MOG: variants seen among roughly 807,000 people sequenced by gnomAD.
MOG encodes the protein myelin oligodendrocyte glycoprotein.
MOG carries 20 observed loss-of-function variants against 35.9 expected under a neutral mutation model. The observed-to-expected ratio is 0.56, with a 90% CI of 0.39 to 0.81. MOG has a LOEUF of 0.81. Ranked by LOEUF, MOG falls within the 30% of genes least tolerant of loss-of-function variation. The probability of loss-of-function intolerance (pLI) is 0.00; values close to 1 mark genes in which losing one functional copy is unlikely to be tolerated. For missense variants in MOG, 251 were observed against 301.0 expected, an observed-to-expected ratio of 0.83 and a Z score of 1.23; for synonymous variants, 92 against 114.3, an observed-to-expected ratio of 0.80 and a Z score of 1.25.
At position 29,671,534 on chromosome 6, in the gene MOG, C is replaced by T. The variant is rs1583168162; in HGVS notation, c.*349C>T. 7.5e-6 allele frequency: 7 copies of T among 939,560 alleles called. No homozygotes were observed. The East Asian group carries it at 1.7e-4, about 22-fold the overall frequency. 58.2% of individuals were successfully genotyped at this position (939,560 alleles called of 1,614,324 possible). Reference sequence around the variant, plus strand: ...ATGGTCTCTGCCATGAACTGGAGGCCAGGAATCTCCTCACTGAAAATTACA... The same window carrying T: ...ATGGTCTCTGCCATGAACTGGAGGCTAGGAATCTCCTCACTGAAAATTACA... On this transcript the variant is annotated 3_prime_UTR_variant, in exon 8 of 8. Transcript: ENST00000376917.
intron 2 of MOG, chr6:29,661,442 T>G (rs753613523): frequency 9.0e-5 from 89 of 985,266 alleles, no homozygotes; most frequent in Non-Finnish European, 1.1e-4. Context: ...CTCTCCAGTT[T>G]GCAGATTTTT....
intron 5 of MOG, 61 bp downstream of exon 5, chr6:29,667,985 C>T: frequency 6.5e-7 from 1 of 1,546,808 alleles, no homozygotes; most frequent in Non-Finnish European, 8.9e-7. Context: ...TAGTTCCAGT[C>T]ACCTGGGGGA....
Position 29,657,308 on chromosome 6 carries a change from T to C in MOG, c.88+11T>C. The C allele has an allele frequency of 6.4e-7, 1 of 1,560,300 alleles. No individual in the cohort carries two copies. Among genetic ancestry groups the C allele is most frequent in the Non-Finnish European group, 8.7e-7 (1 of 1,147,636 alleles). On this transcript the variant is annotated intron_variant, in intron 1 of 7. Coordinates refer to ENST00000376917, the MANE Select transcript of MOG (RefSeq NM_206809.4). ...CTTCCAGCTATGCAGGTAAGACATG[T>C]TTTTTTTCCTGCCCTGGGGAGACCC...
chr6:29,666,164 G>A lies in MOG; in HGVS notation c.449G>A (p.Trp150Ter). Residue 150 changes from tryptophan (W) to a stop codon, truncating the protein, a stop_gained, in exon 3 of 8, where the codon TGG (tryptophan) becomes TAG (stop). Transcript: ENST00000376917. LOFTEE classifies it high-confidence loss of function. ...TCCTGCCTTTCAGATCCTTTCTACT[G>A]GGTGAGCCCTGGAGTGCTGGTTCTC... ...MELKVEDPFY[W>*]VSPGVLVLLA... The A allele has an allele frequency of 1.2e-6, 2 of 1,611,830 alleles. No homozygotes were observed. Among genetic ancestry groups the A allele is most frequent in the Non-Finnish European group, 1.7e-6 (2 of 1,178,952 alleles).
intron 2 of MOG, chr6:29,659,898 G>A: frequency 1.7e-6 from 1 of 605,046 alleles, no homozygotes; most frequent in Non-Finnish European, 2.9e-6. Flanking sequence ...GTAAGTGACA[G>A]AATGAACAAT....
intron 5 of MOG, among the ~76,000 whole-genome samples, chr6:29,668,738 T>A (rs1205983141): frequency 6.6e-6 from 1 of 152,210 alleles, no homozygotes; most frequent in Non-Finnish European, 1.5e-5. Flanking sequence ...AGGACTTGAC[T>A]ATGAAAGGTC....
intron 2 of MOG, among the ~76,000 whole-genome samples, chr6:29,665,736 T>TCAAA (rs1562196674): frequency 0.054 from 8,027 of 147,432 alleles, 456 homozygotes; most frequent in African/African-American, 0.13. Context: ...ACTACATATT[T>TCAAA]GAAATACATA....
chr6:29,659,442 C>T lies in MOG; in HGVS notation c.212C>T (p.Pro71Leu), dbSNP rs1479416589. 3.7e-6 allele frequency: 6 copies of T among 1,612,990 alleles called. No individual in the cohort carries two copies. Among genetic ancestry groups the T allele is most frequent in the Non-Finnish European group, 4.2e-6 (5 of 1,180,014 alleles). Residue 71 changes from proline to leucine, a missense_variant, in exon 2 of 8, where the codon CCC becomes CTC. Transcript: ENST00000376917. ...GGCATGGAGGTGGGGTGGTACCGCC[C>T]CCCCTTCTCTAGGGTGGTTCATCTC... Reference protein sequence around the residue: ...ATGMEVGWYRPPFSRVVHLYR... With the variant: ...ATGMEVGWYRLPFSRVVHLYR...
Position 29,662,153 on chromosome 6 carries a change from T to A in MOG, c.436+2487T>A. On this transcript the variant is annotated intron_variant, in intron 2 of 7. Transcript: ENST00000376917. This position sits in a 1 kb window ranked among gnomAD's most constrained non-coding sequence, Gnocchi z 4.2. ...TCATTTTTGTGATTTTATTACTAGT[T>A]GTCTCTAATCCTTTCTTTAAATTCT... is the stretch of plus-strand genomic sequence containing the variant. The A allele has an allele frequency of 8.1e-6, 8 of 985,018 alleles. No homozygotes were observed. Among genetic ancestry groups the A allele is most frequent in the Non-Finnish European group, 9.6e-6 (8 of 829,558 alleles). 61.0% of individuals were successfully genotyped at this position (985,018 alleles called of 1,614,324 possible). A position where few individuals can be genotyped will look rare whatever the true frequency, so the allele number is the denominator to read the frequency against.
rs1456746623 is a variant in MOG, at chr6:29,671,767, T to C, written c.*582T>C. ...CAGAATACTAGCCAGAGCTCCTCCT[T>C]GTCTTGGCAGCCTACTAGGGACCTG... On this transcript the variant is annotated 3_prime_UTR_variant, in exon 8 of 8. Transcript: ENST00000376917. 1.2e-5 allele frequency: 5 copies of C among 426,808 alleles called. No homozygotes were observed. Among genetic ancestry groups the C allele is most frequent in the South Asian group, 9.5e-5 (2 of 21,082 alleles). 26.4% of individuals were successfully genotyped at this position (426,808 alleles called of 1,614,324 possible).
At chr6:29,661,396 G>A (rs1274382574) in intron 2 of MOG, 12 of 985,354 alleles carry the variant, frequency 1.2e-5, no homozygotes, top group Non-Finnish European at 1.4e-5. Flanking sequence ...TTTTATTGGG[G>A]AAATTCTACT....
intron 2 of MOG, among the ~76,000 whole-genome samples, chr6:29,660,279 T>C (rs1281245127): frequency 1.3e-5 from 2 of 149,632 alleles, no homozygotes; most frequent in African/African-American, 2.5e-5. Context: ...CCCAGCACTG[T>C]GGGAGGCCGA....
intron 1 of MOG, among the ~76,000 whole-genome samples, chr6:29,658,905 A>G (rs570297832): frequency 1.3e-5 from 2 of 152,346 alleles, no homozygotes; most frequent in Non-Finnish European, 2.9e-5. Flanking sequence ...TGAGGTCAGG[A>G]GTTCGAGACC....
intron 2 of MOG, among the ~76,000 whole-genome samples, chr6:29,663,530 G>C (rs1484758746): frequency 6.6e-6 from 1 of 152,114 alleles, no homozygotes; most frequent in Non-Finnish European, 1.5e-5. Context: ...ACATTCCCAT[G>C]TTGCTATGTA....
chr6:29,662,961 C>T lies in MOG; in HGVS notation c.437-3191C>T, dbSNP rs1024202251. On this transcript the variant is annotated intron_variant, in intron 2 of 7. Transcript: ENST00000376917. The surrounding 1 kb of genome is among the most constrained non-coding windows in gnomAD (Gnocchi z 4.2). Reference sequence around the variant, plus strand: ...TACAGGCGCGAGCCACTGCACCCAGCGAAGAACACTTTTTAAAAAATAAAT... The same window carrying T: ...TACAGGCGCGAGCCACTGCACCCAGTGAAGAACACTTTTTAAAAAATAAAT... Among the ~76,000 whole-genome samples, 4 of 151,976 alleles carry T rather than the reference C, an allele frequency of 2.6e-5. No homozygotes were observed. The highest frequency in any genetic ancestry group is 5.9e-5 in the Non-Finnish European group (4 of 68,010).
At chr6:29,663,020 A>C (rs1423987090) in intron 2 of MOG, among the ~76,000 whole-genome samples, 1 of 152,212 alleles carries the variant, frequency 6.6e-6, no homozygotes, top group African/African-American at 2.4e-5. Flanking sequence ...CTGTAATCCC[A>C]GTACTTTGGG....
At chr6:29,669,393 C>T (rs1442303509) in intron 5 of MOG, among the ~76,000 whole-genome samples, 2 of 151,948 alleles carry the variant, frequency 1.3e-5, no homozygotes, top group Non-Finnish European at 2.9e-5. Flanking sequence ...TGGGTTCAAG[C>T]GATTCTCCTG....
In MOG at chr6:29,670,675, ACAT is replaced by A. The variant is rs778617974; in HGVS notation, c.710-25_710-23del. On this transcript the variant is annotated intron_variant, in intron 6 of 7. Transcript: ENST00000376917. This position sits in a 1 kb window ranked among gnomAD's most constrained non-coding sequence, Gnocchi z 4.2. The stretch of plus-strand genomic sequence containing the variant: ...AGGTGCTATTCATCTTCCACTAATC[ACAT>A]ATTTGTTTCTTTTTGTTTTCAGGGC... 17 of 1,611,800 alleles carry A rather than the reference ACAT, an allele frequency of 1.1e-5. No individual in the cohort carries two copies. The highest frequency in any genetic ancestry group is 1.4e-5 in the Non-Finnish European group (17 of 1,179,394).
Position 29,662,031 on chromosome 6 carries a change from G to A in MOG, c.436+2365G>A. On this transcript the variant is annotated intron_variant, in intron 2 of 7. Transcript: ENST00000376917. This position sits in a 1 kb window ranked among gnomAD's most constrained non-coding sequence, Gnocchi z 4.2. The stretch of plus-strand genomic sequence containing the variant: ...GAAGTTGAGACAAATTTAGGAATGA[G>A]ATGAAGTAATGGTATTATTGCAAGT... The A allele has an allele frequency of 1.0e-6, 1 of 985,372 alleles. No homozygotes were observed. Among genetic ancestry groups the A allele is most frequent in the Non-Finnish European group, 1.2e-6 (1 of 829,928 alleles). 61.0% of individuals were successfully genotyped at this position (985,372 alleles called of 1,614,324 possible). A position where few individuals can be genotyped will look rare whatever the true frequency, so the allele number is the denominator to read the frequency against.
Sources: allele counts gnomAD v4.1 joint callset (sites outside exome capture counted in the v4.1 genomes callset), GRCh38; gene constraint gnomAD v4.1.1; non-coding constraint Gnocchi (gnomAD v3.1); transcripts MANE v1.5; gene names NCBI Gene and HGNC (gene_info 2026-07-23, HGNC 2026-07-21).